The following SGPL1 variants were observed in gnomAD, a reference collection of about 807,000 sequenced individuals.
SGPL1 encodes sphingosine-1-phosphate lyase 1.
A neutral mutation model predicts 68.9 loss-of-function variants in SGPL1; 37 were observed. That is an observed-to-expected ratio of 0.54 (90% CI 0.41 to 0.71). The LOEUF is 0.71. Ranked by LOEUF, SGPL1 falls within the 30% of genes least tolerant of loss-of-function variation. The probability of loss-of-function intolerance (pLI) is 0.00; values close to 1 mark genes in which losing one functional copy is unlikely to be tolerated. For missense variants in SGPL1, 551 were observed against 704.6 expected (o/e 0.78, Z 2.47); for synonymous variants, 236 against 248.5 (o/e 0.95, Z 0.47).
intron 7 of SGPL1, among the ~76,000 whole-genome samples, chr10:70,864,455 T>G (rs1012618596): frequency 1.3e-5 from 2 of 152,214 alleles, no homozygotes; most frequent in African/African-American, 2.4e-5. Flanking sequence ...TTGGCAATGT[T>G]TATTTTATTC....
intron 2 of SGPL1, among the ~76,000 whole-genome samples, chr10:70,824,541 A>C (rs1845396974): frequency 1.3e-5 from 2 of 152,238 alleles, no homozygotes; most frequent in Admixed American, 1.3e-4. Context: ...TTTAACTGCA[A>C]CTATCTTCTT....
chr10:70,872,775 T>G (rs1846318734), intron 11 of SGPL1, among the ~76,000 whole-genome samples: 1 of 152,212 alleles, frequency 6.6e-6, no homozygotes, highest in Non-Finnish European at 1.5e-5. Flanking sequence ...GTTCAGGTAA[T>G]GAAATTAGTT....
chr10:70,869,743 C>G (rs1846258324), intron 8 of SGPL1, 49 bp from the exon 9 acceptor site: 9 of 1,384,738 alleles, frequency 6.5e-6, no homozygotes, highest in Middle Eastern at 1.8e-4. Flanking sequence ...ATGGTGTTTT[C>G]TATTATTTTG....
At chr10:70,834,873 C>T (rs12762816) in intron 2 of SGPL1, among the ~76,000 whole-genome samples, 18,114 of 152,182 alleles carry the variant, frequency 0.12, 1,332 homozygotes, top group Non-Finnish European at 0.17. Flanking sequence ...GTCCTGGCTC[C>T]GCTATTTCCG....
chr10:70,830,349 A>G (rs1564618519), intron 2 of SGPL1, among the ~76,000 whole-genome samples: 1 of 152,156 alleles, frequency 6.6e-6, no homozygotes, highest in East Asian at 1.9e-4. Flanking sequence ...CTCAGCAACT[A>G]CCAGTCTACT....
intron 11 of SGPL1, 75 bp downstream of exon 11, chr10:70,872,061 C>G (rs1258507259): frequency 7.0e-7 from 1 of 1,421,156 alleles, no homozygotes; most frequent in Non-Finnish European, 9.7e-7. Flanking sequence ...TGGTAGCTTC[C>G]CCGCAAAGTA....
At chr10:70,863,430 C>T (rs190585692) in intron 7 of SGPL1, among the ~76,000 whole-genome samples, 13 of 151,794 alleles carry the variant, frequency 8.6e-5, no homozygotes, top group Admixed American at 2.6e-4. Context: ...ATGAGCCTTA[C>T]CTGATTCTGC....
intron 3 of SGPL1, among the ~76,000 whole-genome samples, chr10:70,848,731 G>C (rs1178247033): frequency 6.6e-6 from 1 of 152,134 alleles, no homozygotes; most frequent in East Asian, 1.9e-4. Flanking sequence ...CAAAGTGCTG[G>C]GATAACAGGC....
chr10:70,822,927 C>A (rs938267157), intron 2 of SGPL1, among the ~76,000 whole-genome samples: 5 of 151,312 alleles, frequency 3.3e-5, no homozygotes, highest in African/African-American at 1.2e-4. Flanking sequence ...AGATAATCTT[C>A]ATCTCAAGTA....
intron 7 of SGPL1, among the ~76,000 whole-genome samples, chr10:70,867,807 GT>G (rs1170004428): frequency 6.6e-6 from 1 of 152,144 alleles, no homozygotes; most frequent in African/African-American, 2.4e-5. Flanking sequence ...TAGGATTTTT[GT>G]TTTATTTCAG....
chr10:70,825,220 C>A (rs1324796640), intron 2 of SGPL1, among the ~76,000 whole-genome samples: 1 of 152,134 alleles, frequency 6.6e-6, no homozygotes, highest in Non-Finnish European at 1.5e-5. Flanking sequence ...GTAGGAAAGG[C>A]ATCAAGGGGA....
chr10:70,820,807 C>T (rs1334966407), intron 2 of SGPL1, among the ~76,000 whole-genome samples: 4 of 151,946 alleles, frequency 2.6e-5, no homozygotes, highest in Non-Finnish European at 5.9e-5. Context: ...TTTTCTTTTA[C>T]GTCGCATTTA....
chr10:70,864,213 C>G (rs1846136883), intron 7 of SGPL1, among the ~76,000 whole-genome samples: 2 of 152,106 alleles, frequency 1.3e-5, no homozygotes, highest in Admixed American at 1.3e-4. Flanking sequence ...AAGCCCCTTT[C>G]TCCCTGAATC....
chr10:70,839,107 CT>C lies in SGPL1; in HGVS notation c.28-5362del, dbSNP rs144394721. On this transcript the variant is annotated intron_variant, in intron 2 of 14. Transcript: ENST00000373202. ...AGCTCCCATAAATTCTAGGAGCTGC[CT>C]TTTGTCTAACGATTAGGATTATTGA... Among the ~76,000 whole-genome samples, 1,355 of 152,256 alleles carry C rather than the reference CT, an allele frequency of 8.9e-3. 32 individuals are homozygous for C. The highest frequency in any genetic ancestry group is 0.031 in the African/African-American group (1,287 of 41,556).
At chr10:70,875,641 T>G in intron 13 of SGPL1, 93 bp downstream of exon 13, 3 of 962,538 alleles carry the variant, frequency 3.1e-6, no homozygotes, top group Non-Finnish European at 4.7e-6. Context: ...GTTTGACTGC[T>G]AGAGGCTAGC....
Position 70,862,067 on chromosome 10 carries a change from GGC to G in SGPL1, c.615+2569_615+2570del, listed in dbSNP as rs1846071649. Reference sequence around the variant, plus strand: ...ACTGGCAGGCAGCTCCAGTCCTGCAGGCAGCTCCACCCGCAGCCCCGGTGCGG... The same window carrying G: ...ACTGGCAGGCAGCTCCAGTCCTGCAGAGCTCCACCCGCAGCCCCGGTGCGG... On this transcript the variant is annotated intron_variant, in intron 7 of 14. Coordinates refer to ENST00000373202, the MANE Select transcript of SGPL1 (RefSeq NM_003901.4). Among the ~76,000 whole-genome samples the G allele has an allele frequency of 3.9e-5, 6 of 152,256 alleles. No individual in the cohort carries two copies. In the South Asian group the frequency reaches 8.3e-4, roughly 21 times the overall value.
chr10:70,832,150 A>G (rs182737803), intron 2 of SGPL1, among the ~76,000 whole-genome samples: 56 of 152,320 alleles, frequency 3.7e-4, no homozygotes, highest in African/African-American at 1.3e-3. Flanking sequence ...TCTTCCAAGT[A>G]TTAATTTTAA....
chr10:70,849,302 T>C (rs570141084), intron 3 of SGPL1, among the ~76,000 whole-genome samples: 1 of 152,372 alleles, frequency 6.6e-6, no homozygotes, highest in African/African-American at 2.4e-5. Context: ...TATTAGATTA[T>C]AGTCATTTGA....
At chr10:70,858,946 A>G (rs537108823) in intron 6 of SGPL1, among the ~76,000 whole-genome samples, 14 of 152,292 alleles carry the variant, frequency 9.2e-5, no homozygotes, top group Admixed American at 2.6e-4. Flanking sequence ...GTCGATAACA[A>G]CAGCTGCTTT....
Sources: gnomAD v4.1 joint callset for allele counts (sites outside exome capture counted in the v4.1 genomes callset) on GRCh38, gnomAD v4.1.1 for gene constraint, MANE v1.5 for transcripts, NCBI Gene and HGNC (gene_info 2026-07-23, HGNC 2026-07-21) for gene names.